The following ACACB variants were observed in gnomAD, a reference collection of about 807,000 sequenced individuals.
The protein encoded by ACACB is acetyl-CoA carboxylase 2.
ACACB carries 209 observed loss-of-function variants against 278.8 expected under a neutral mutation model. The ratio of observed to expected loss-of-function variants is 0.75; its 90% CI spans 0.67 to 0.84. The LOEUF (loss-of-function observed/expected upper bound fraction) is 0.84. ACACB is among the 40% of genes least tolerant of loss of function. The pLI, the probability that ACACB is intolerant of heterozygous loss-of-function variation, is 0.00. For synonymous variants in ACACB, 1,174 were observed against 1,285.6 expected, an observed-to-expected ratio of 0.91 and a Z score of 1.86; for missense variants, 2,850 against 3,269.0, an observed-to-expected ratio of 0.87 and a Z score of 3.13.
intron 44 of ACACB, among the ~76,000 whole-genome samples, chr12:109,254,779 T>C (rs564411976): frequency 4.0e-5 from 6 of 151,890 alleles, no homozygotes; most frequent in Admixed American, 3.3e-4. Context: ...TGGTCTCCTC[T>C]TCTTTTTTTT....
intron 2 of ACACB, among the ~76,000 whole-genome samples, chr12:109,145,501 TAG>T (rs1001735852): frequency 3.9e-5 from 6 of 152,114 alleles, no homozygotes; most frequent in African/African-American, 1.4e-4. Context: ...TTCTACTCTT[TAG>T]GTCCATGTGT....
chr12:109,140,260 T>A (rs4766496), intron 2 of ACACB, among the ~76,000 whole-genome samples: 22,568 of 64,910 alleles, frequency 0.35, 2,884 homozygotes, highest in South Asian at 0.46. Flanking sequence ...CCTTCCATCC[T>A]TCCTTCCTTC....
At chr12:109,126,944 C>A (rs1262044410) in intron 1 of ACACB, among the ~76,000 whole-genome samples, 5 of 99,528 alleles carry the variant, frequency 5.0e-5, no homozygotes, top group Non-Finnish European at 3.7e-5. Flanking sequence ...ATGCTGTACA[C>A]CCGTACTCTA....
chr12:109,140,754 T>A (rs1479151027), intron 2 of ACACB, among the ~76,000 whole-genome samples: 1 of 152,116 alleles, frequency 6.6e-6, no homozygotes, highest in Non-Finnish European at 1.5e-5. Flanking sequence ...CTCAGCCTAG[T>A]TGGGGAAGAT....
chr12:109,209,176 G>C lies in ACACB; in HGVS notation c.3072G>C (p.Trp1024Cys). The C allele has an allele frequency of 6.2e-7, 1 of 1,600,916 alleles. No homozygotes were observed. Among genetic ancestry groups the C allele is most frequent in the Non-Finnish European group, 8.5e-7 (1 of 1,174,638 alleles). ...GGTCCCCGCTTCAGCTGAAGGAGTG[G>C]GTGCAGAAGCTCATGATGACCCTCC... Reference protein sequence around the residue: ...EPVFSIKLKEWVQKLMMTLRH... With the variant: ...EPVFSIKLKECVQKLMMTLRH... Residue 1024 changes from tryptophan (W) to cysteine (C), a missense_variant, in exon 21 of 53, where the codon TGG becomes TGC. By Grantham distance (215) the Trp-to-Cys change is radical (BLOSUM62 -2). Transcript: ENST00000338432.
intron 15 of ACACB, among the ~76,000 whole-genome samples, chr12:109,192,544 A>G (rs1449881826): frequency 6.6e-6 from 1 of 152,130 alleles, no homozygotes; most frequent in African/African-American, 2.4e-5. Context: ...ACAATCAAAT[A>G]TATCTCCAGA....
At chr12:109,165,569 A>G (rs2043869892) in intron 2 of ACACB, among the ~76,000 whole-genome samples, 2 of 152,180 alleles carry the variant, frequency 1.3e-5, no homozygotes, top group African/African-American at 4.8e-5. Context: ...ACACTAAGTA[A>G]AGGAAAAAAA....
chr12:109,238,907 G>C (rs906258154), intron 34 of ACACB, among the ~76,000 whole-genome samples: 6 of 150,614 alleles, frequency 4.0e-5, no homozygotes. Flanking sequence ...TTTGCTACCT[G>C]TCAGCTAGAT....
chr12:109,172,220 C>T, intron 5 of ACACB, 55 bp from the exon 6 acceptor site: 1 of 1,551,506 alleles, frequency 6.4e-7, no homozygotes, highest in South Asian at 1.1e-5. Context: ...CTGCACCTGG[C>T]TGGGAGGCAT....
rs181292370 is a variant in ACACB at position 109,209,290 on chromosome 12, C to T, written c.3186C>T (p.Arg1062=). The stretch of plus-strand genomic sequence containing the variant: ...CCGCCCCTGTGGAGAAGTCTGTCCG[C>T]AGGGTGATGGCCCAGTATGCCAGCA... The part of the protein sequence containing the change: ...RIPAPVEKSV[R]RVMAQYASNI... Residue 1062 remains arginine (R), a synonymous_variant, in exon 21 of 53, where the codon CGC becomes CGT. Coordinates refer to ENST00000338432, the MANE Select transcript of ACACB (RefSeq NM_001093.4). The T allele has an allele frequency of 3.6e-5, 58 of 1,612,748 alleles. No homozygotes were observed. Among genetic ancestry groups the T allele is most frequent in the Non-Finnish European group, 4.4e-5 (52 of 1,179,994 alleles).
chr12:109,176,478 A>G lies in ACACB; in HGVS notation c.1437+215A>G, dbSNP rs549886965. Among the ~76,000 whole-genome samples the G allele has an allele frequency of 5.1e-4, 77 of 152,338 alleles. No homozygotes were observed. The South Asian group carries it at 0.016, about 32-fold the overall frequency. ...CTTGACAGAATCTTTTAGGTAGTTC[A>G]AGTCTATAAATCAGTGTATCTAGAA... On this transcript the variant is annotated intron_variant, in intron 9 of 52. Transcript: ENST00000338432.
chr12:109,191,668 G>A lies in ACACB; in HGVS notation c.2200G>A (p.Val734Met), dbSNP rs145001704. 20 of 1,614,070 alleles carry A rather than the reference G, an allele frequency of 1.2e-5. No homozygotes were observed. Among genetic ancestry groups the A allele is most frequent in the African/African-American group, 5.3e-5 (4 of 74,918 alleles). ...CATCCGAGGCGACTTTAGGACTACC[G>A]TGGAATACCTCATTAACCTCCTGGA... ...LSIRGDFRTT[V>M]EYLINLLETE... is the part of the protein sequence containing the mutation. Residue 734 changes from valine (V) to methionine (M), a missense_variant, in exon 14 of 53, where the codon GTG becomes ATG. Val to Met is a conservative substitution (Grantham distance 21). This residue lies in a region of ACACB where 2,265 missense variants were observed against 2,561.3 expected (regional missense o/e 0.88). Coordinates refer to ENST00000338432, the MANE Select transcript of ACACB (RefSeq NM_001093.4).
Position 109,232,759 on chromosome 12 carries a change from G to A in ACACB, c.4092G>A (p.Gln1364=). The change falls in exon 29 of 53, where the codon CAG becomes CAA. Residue 1364 remains glutamine (Q), a synonymous_variant. Transcript: ENST00000338432. The part of the protein sequence containing the change: ...FMDSGFSPLC[Q]RMGAMVAFRR... ...ACAGCGGCTTCTCCCCACTGTGCCA[G>A]CGCATGGGAGCCATGGTAGCCTTCA... The A allele has an allele frequency of 6.2e-7, 1 of 1,614,146 alleles. No homozygotes were observed. The highest frequency in any genetic ancestry group is 8.5e-7 in the Non-Finnish European group (1 of 1,180,032).
At chr12:109,190,556 C>T (rs920118803) in intron 13 of ACACB, among the ~76,000 whole-genome samples, 1 of 152,170 alleles carries the variant, frequency 6.6e-6, no homozygotes, top group Non-Finnish European at 1.5e-5. Context: ...GAGAGGGTGG[C>T]ACCAGCTCTG....
At chr12:109,203,948 T>C (rs2045414387) in intron 19 of ACACB, among the ~76,000 whole-genome samples, 1 of 152,102 alleles carries the variant, frequency 6.6e-6, no homozygotes, top group Admixed American at 6.6e-5. Flanking sequence ...AGTACATCTG[T>C]CCAGTAAAAA....
chr12:109,116,126 C>G (rs921048775), upstream of ACACB, among the ~76,000 whole-genome samples: 4 of 152,176 alleles, frequency 2.6e-5, no homozygotes, highest in African/African-American at 9.7e-5. Context: ...TTCTTTTATC[C>G]CCAAGTCACA....
chr12:109,117,369 A>G lies in ACACB; in HGVS notation c.-10+665A>G, dbSNP rs1025336395. 9.0e-4 allele frequency among the ~76,000 whole-genome samples: 137 copies of G among 151,958 alleles called. 2 individuals are homozygous for G. The highest frequency in any genetic ancestry group is 3.2e-3 in the African/African-American group (132 of 41,506). ...AGCAAGACTCTGTCTCAAAAAAAAA[A>G]AAAAAGAAAAGAAAAAGAAAAAAAG... On this transcript the variant is annotated intron_variant, in intron 1 of 52. Coordinates refer to ENST00000338432, the MANE Select transcript of ACACB (RefSeq NM_001093.4).
In ACACB at chr12:109,266,526, GC is replaced by G; in HGVS notation, c.*167del. 1.3e-6 allele frequency: 1 copy of G among 765,608 alleles called. No individual in the cohort carries two copies. Among genetic ancestry groups the G allele is most frequent in the Non-Finnish European group, 1.9e-6 (1 of 534,678 alleles). 47.4% of individuals were successfully genotyped at this position (765,608 alleles called of 1,614,324 possible). A position where few individuals can be genotyped will look rare whatever the true frequency, so the allele number is the denominator to read the frequency against. On this transcript the variant is annotated 3_prime_UTR_variant, in exon 53 of 53. Coordinates refer to ENST00000338432, the MANE Select transcript of ACACB (RefSeq NM_001093.4). ...GAGCTGACACCCGTCTTAACAAAAGGCCCAGGAGTGCCTCTTCCAAACAAAA... is the reference window on the plus strand; with the variant it reads ...GAGCTGACACCCGTCTTAACAAAAGGCCAGGAGTGCCTCTTCCAAACAAAA...
At chr12:109,216,221 T>C (rs191022668) in intron 22 of ACACB, among the ~76,000 whole-genome samples, 7,100 of 135,432 alleles carry the variant, frequency 0.052, 349 homozygotes, top group African/African-American at 0.17. Context: ...CTCTCTCTCT[T>C]TTTTTTTTTT....
Sources: gnomAD v4.1 joint callset for allele counts (sites outside exome capture counted in the v4.1 genomes callset) on GRCh38, gnomAD v4.1.1 for gene constraint, gnomAD v4.1.1 regional missense constraint, MANE v1.5 for transcripts, NCBI Gene and HGNC (gene_info 2026-07-23, HGNC 2026-07-21) for gene names.